The following CTDSPL variants were observed in gnomAD, a reference collection of about 807,000 sequenced individuals.
CTDSPL encodes the protein CTD small phosphatase-like protein.
Under a neutral mutation model 30.5 loss-of-function variants are expected in CTDSPL, and 8 were observed. The observed-to-expected ratio is 0.26, with a 90% CI of 0.15 to 0.47. The LOEUF is 0.47. Ranked by LOEUF, CTDSPL falls within the 20% of genes least tolerant of loss-of-function variation. The pLI is 0.99. For missense variants in CTDSPL, 248 were observed against 366.1 expected, an observed-to-expected ratio of 0.68 and a Z score of 2.63; for synonymous variants, 110 against 137.9, an observed-to-expected ratio of 0.80 and a Z score of 1.42.
intron 1 of CTDSPL, among the ~76,000 whole-genome samples, chr3:37,916,298 C>A (rs1698645558): frequency 6.6e-6 from 1 of 152,176 alleles, no homozygotes; most frequent in Non-Finnish European, 1.5e-5. Context: ...TTAGTCCGAG[C>A]TAACATTATT....
intron 3 of CTDSPL, 58 bp from the exon 4 acceptor site, chr3:37,964,513 A>C (rs1699278547): frequency 1.7e-6 from 2 of 1,172,232 alleles, no homozygotes; most frequent in Non-Finnish European, 2.6e-6. Flanking sequence ...AGTATAATGC[A>C]ATACTGATTG....
At chr3:37,941,201 G>C (rs1698973643) in intron 1 of CTDSPL, among the ~76,000 whole-genome samples, 2 of 149,956 alleles carry the variant, frequency 1.3e-5, no homozygotes, top group African/African-American at 4.9e-5. Flanking sequence ...GGATACACAG[G>C]GACCATGCCC....
Position 37,897,093 on chromosome 3 carries a change from T to A in CTDSPL, c.79+34815T>A, listed in dbSNP as rs572434198. Among the ~76,000 whole-genome samples the A allele has an allele frequency of 1.8e-4, 27 of 152,326 alleles. No homozygotes were observed. In the South Asian group the frequency reaches 5.6e-3, roughly 32 times the overall value. ...AGATTAAATATTTCCTCTTGCAGTA[T>A]TATTTTGCTCTGTTAGCCAACTCTT... On this transcript the variant is annotated intron_variant, in intron 1 of 7. Transcript: ENST00000273179.
intron 1 of CTDSPL, among the ~76,000 whole-genome samples, chr3:37,924,906 T>A (rs1318338443): frequency 1.3e-5 from 2 of 152,060 alleles, no homozygotes; most frequent in Non-Finnish European, 2.9e-5. Context: ...ACCAGACAGG[T>A]CTTCCAAGAG....
Position 37,980,853 on chromosome 3 carries a change from C to T in CTDSPL, c.817C>T (p.Leu273Phe), listed in dbSNP as rs1367805593. The T allele has an allele frequency of 1.2e-6, 2 of 1,614,082 alleles. No individual in the cohort carries two copies. The highest frequency in any genetic ancestry group is 1.7e-6 in the Non-Finnish European group (2 of 1,180,006). The change falls in exon 8 of 8, where the codon CTC becomes TTC. Residue 273 changes from leucine (L) to phenylalanine (F), a missense_variant. This residue lies in a region of CTDSPL where 84 missense variants were observed against 139.4 expected (regional missense o/e 0.60). Coordinates refer to ENST00000273179, the MANE Select transcript of CTDSPL (RefSeq NM_001008392.2). Reference protein sequence around the residue: ...EDDVYSMLHRLCNR With the variant: ...EDDVYSMLHRFCNR ...CGACGTGTACAGCATGCTGCACAGA[C>T]TCTGCAATAGGTAGCCCTGGCCTCT... is the stretch of plus-strand genomic sequence containing the variant.
Position 37,980,764 on chromosome 3 carries a change from A to C in CTDSPL, c.728A>C (p.Asp243Ala). ...CAGGTGCCTGTGCAGTCCTGGTTCG[A>C]TGACATGACGGACACGGAGCTGCTG... ...ENAVPVQSWF[D>A]DMTDTELLDL... The change falls in exon 8 of 8, where the codon GAT becomes GCT. Residue 243 changes from aspartate to alanine, a missense_variant. Asp to Ala is a moderately radical substitution (Grantham distance 126). Coordinates refer to ENST00000273179, the MANE Select transcript of CTDSPL (RefSeq NM_001008392.2). 6.2e-7 allele frequency: 1 copy of C among 1,614,182 alleles called. No homozygotes were observed. Among genetic ancestry groups the C allele is most frequent in the Non-Finnish European group, 8.5e-7 (1 of 1,180,028 alleles).
In CTDSPL at chr3:37,964,524, GT is replaced by G. The variant is rs746812352; in HGVS notation, c.268-44del. The G allele has an allele frequency of 3.5e-5, 47 of 1,337,784 alleles. No homozygotes were observed. The African/African-American group carries it at 6.1e-4, about 17-fold the overall frequency. 82.9% of individuals were successfully genotyped at this position (1,337,784 alleles called of 1,614,324 possible). A position where few individuals can be genotyped will look rare whatever the true frequency, so the allele number is the denominator to read the frequency against. On this transcript the variant is annotated intron_variant, in intron 3 of 7. Transcript: ENST00000273179. ...AAGTAGTATAATGCAATACTGATTG[GT>G]TTGTCTTTTACATAAATGTAATACT... is the stretch of plus-strand genomic sequence containing the variant.
chr3:37,944,982 A>ATTAGTTAG (rs61590335), intron 1 of CTDSPL, among the ~76,000 whole-genome samples: 1 of 150,066 alleles, frequency 6.7e-6, no homozygotes. Context: ...TCATTTGTTA[A>ATTAGTTAG]TTAGTTAGTT....
chr3:37,885,166 A>G (rs1180374348), intron 1 of CTDSPL, among the ~76,000 whole-genome samples: 4 of 152,232 alleles, frequency 2.6e-5, no homozygotes, highest in African/African-American at 9.6e-5. Flanking sequence ...AATTAGAGAT[A>G]GTGCCAAGGA....
chr3:37,925,577 C>G (rs1371946733), intron 1 of CTDSPL, among the ~76,000 whole-genome samples: 2 of 152,152 alleles, frequency 1.3e-5, no homozygotes, highest in Non-Finnish European at 2.9e-5. Context: ...CCTGCAGAGG[C>G]CTCAAACTTG....
intron 4 of CTDSPL, among the ~76,000 whole-genome samples, chr3:37,967,471 G>A (rs979771681): frequency 3.3e-5 from 5 of 152,208 alleles, no homozygotes; most frequent in Non-Finnish European, 7.3e-5. Context: ...TACATGCTCA[G>A]CTCCTCCCCC....
At position 37,925,635 on chromosome 3, in the gene CTDSPL, A is replaced by G. The variant is rs144425688; in HGVS notation, c.80-21422A>G. Among the ~76,000 whole-genome samples the G allele has an allele frequency of 1.7e-3, 255 of 152,318 alleles. 1 individual carries two copies. The highest frequency in any genetic ancestry group is 3.0e-3 in the Non-Finnish European group (201 of 68,032). ...TCCTGACCTTCTTACTTTTTGAACA[A>G]AGGCCCTGCATTTTGAACAAAGGGG... On this transcript the variant is annotated intron_variant, in intron 1 of 7. Transcript: ENST00000273179.
At position 37,968,071 on chromosome 3, in the gene CTDSPL, G is replaced by A. The variant is rs1575322189; in HGVS notation, c.426+189G>A. 7 of 547,862 alleles carry A rather than the reference G, an allele frequency of 1.3e-5. No homozygotes were observed. The East Asian group carries it at 2.2e-4, about 17-fold the overall frequency. The allele number at this position is 547,862 out of a possible 1,614,324, so 33.9% of individuals were successfully genotyped here. On this transcript the variant is annotated intron_variant, in intron 5 of 7. Coordinates refer to ENST00000273179, the MANE Select transcript of CTDSPL (RefSeq NM_001008392.2). ...AATTTATTTTATACTGAGATTATAAGGAAACTATAGTCGTAAATATTAGAT... is the reference window on the plus strand; with the variant it reads ...AATTTATTTTATACTGAGATTATAAAGAAACTATAGTCGTAAATATTAGAT...
intron 6 of CTDSPL, among the ~76,000 whole-genome samples, chr3:37,974,694 A>G (rs140546758): frequency 1.3e-5 from 2 of 152,224 alleles, no homozygotes; most frequent in East Asian, 1.9e-4. Context: ...ATGATCCGCA[A>G]CTGTGAGCTG....
chr3:37,872,184 C>T (rs140850885), intron 1 of CTDSPL, among the ~76,000 whole-genome samples: 10 of 152,012 alleles, frequency 6.6e-5, no homozygotes, highest in South Asian at 6.2e-4. Context: ...TTTGTAGAGT[C>T]GGGGGTCAGC....
chr3:37,969,325 G>C, intron 5 of CTDSPL: 1 of 475,862 alleles, frequency 2.1e-6, no homozygotes, highest in Non-Finnish European at 4.4e-6. Flanking sequence ...AGGTCCCAGG[G>C]CTGGGGTCAG....
intron 3 of CTDSPL, among the ~76,000 whole-genome samples, chr3:37,963,935 G>A (rs1482751782): frequency 6.9e-6 from 1 of 145,604 alleles, no homozygotes; most frequent in African/African-American, 2.5e-5. Flanking sequence ...ACCTGGATTG[G>A]TCTTATTTCT....
intron 1 of CTDSPL, among the ~76,000 whole-genome samples, chr3:37,921,461 C>A (rs142520839): frequency 6.6e-6 from 1 of 152,178 alleles, no homozygotes; most frequent in South Asian, 2.1e-4. Context: ...TATTGCAGGT[C>A]GTCGGAGGTG....
intron 1 of CTDSPL, among the ~76,000 whole-genome samples, chr3:37,926,306 A>G (rs1458930241): frequency 6.6e-6 from 1 of 152,244 alleles, no homozygotes; most frequent in Non-Finnish European, 1.5e-5. Flanking sequence ...ACTGAGGGCA[A>G]CAGCTAAGGT....
Sources: gnomAD v4.1 joint callset for allele counts (sites outside exome capture counted in the v4.1 genomes callset) on GRCh38, gnomAD v4.1.1 for gene constraint, gnomAD v4.1.1 regional missense constraint, MANE v1.5 for transcripts, NCBI Gene and HGNC (gene_info 2026-07-23, HGNC 2026-07-21) for gene names.